TRAPPC8: variants seen among roughly 807,000 people sequenced by gnomAD.
The protein encoded by TRAPPC8 is general sporulation gene 1 homolog.
In TRAPPC8, 54 loss-of-function variants were observed where a neutral mutation model predicts 174.3. That is an observed-to-expected ratio of 0.31 (90% confidence interval 0.25 to 0.39). The LOEUF is 0.39. Among genes scored for constraint, TRAPPC8 ranks in the 10% least tolerant of loss-of-function variants. The probability of loss-of-function intolerance (pLI) is 1.00; values close to 1 mark genes in which losing one functional copy is unlikely to be tolerated. For synonymous variants in TRAPPC8, 630 were observed against 579.9 expected (o/e 1.09, Z -1.24); for missense variants, 1,531 against 1,699.1 (o/e 0.90, Z 1.74).
At chr18:31,912,819 ACTTTTAAT>A (rs1345375591) in intron 5 of TRAPPC8, among the ~76,000 whole-genome samples, 1 of 152,168 alleles carries the variant, frequency 6.6e-6, no homozygotes, top group Non-Finnish European at 1.5e-5. Flanking sequence ...CGTGTAATTC[ACTTTTAAT>A]CTTTTAAGAA....
chr18:31,852,780 G>C (rs111246589), intron 22 of TRAPPC8, 117 bp from the exon 23 acceptor site: 1 of 820,534 alleles, frequency 1.2e-6, no homozygotes, highest in Middle Eastern at 3.5e-4. Context: ...TATAAATAAT[G>C]TTTAATGAAG....
intron 10 of TRAPPC8, among the ~76,000 whole-genome samples, chr18:31,900,508 C>T (rs746479783): frequency 9.2e-5 from 14 of 152,206 alleles, no homozygotes; most frequent in Non-Finnish European, 1.9e-4. Context: ...CCCCTGACCA[C>T]TGGGGACCAG....
At chr18:31,934,380 G>A (rs572650155) in intron 1 of TRAPPC8, among the ~76,000 whole-genome samples, 2 of 152,128 alleles carry the variant, frequency 1.3e-5, no homozygotes, top group East Asian at 3.9e-4. Flanking sequence ...TGGGTAGTGG[G>A]GAGGTGGATG....
At chr18:31,880,090 A>AAAAAAATATATAT (rs1259899654) in intron 12 of TRAPPC8, among the ~76,000 whole-genome samples, 14 of 85,354 alleles carry the variant, frequency 1.6e-4, no homozygotes, top group African/African-American at 6.7e-4. Context: ...TGAAAAAAAA[A>AAAAAAATATATAT]ATATATATAT....
At chr18:31,905,074 CTGTGA>C (rs1429133874) in intron 9 of TRAPPC8, among the ~76,000 whole-genome samples, 4 of 150,946 alleles carry the variant, frequency 2.6e-5, no homozygotes, top group African/African-American at 9.7e-5. Context: ...ACTGGTTTTG[CTGTGA>C]TATTTATTTT....
intron 11 of TRAPPC8, chr18:31,895,793 C>T (rs905423808): frequency 6.6e-6 from 1 of 152,176 alleles, no homozygotes; most frequent in African/African-American, 2.4e-5. Context: ...TACTCAAAAG[C>T]CTTATTCAGC....
At chr18:31,873,761 T>C in intron 13 of TRAPPC8, 1 of 398,996 alleles carries the variant, frequency 2.5e-6, no homozygotes, top group Non-Finnish European at 4.5e-6. Context: ...GTTACTCAGC[T>C]AATTACCTGG....
rs1420348793 is a variant in TRAPPC8 at position 31,885,155 on chromosome 18, C to A, written c.1728+5580G>T. Among the ~76,000 whole-genome samples, 8 of 152,118 alleles carry A rather than the reference C, an allele frequency of 5.3e-5. No individual in the cohort carries two copies. The East Asian group carries it at 1.5e-3, about 29-fold the overall frequency. On this transcript the variant is annotated intron_variant, in intron 12 of 28. Transcript: ENST00000283351. ...TATAGGCGTGAGCCACCGTACCCAG[C>A]CAAAATTAAGTTTTTTTAAAAAAGA...
intron 27 of TRAPPC8, among the ~76,000 whole-genome samples, chr18:31,834,088 GGTTGTTGTTGTT>G (rs35486513): frequency 8.1e-5 from 12 of 148,936 alleles, no homozygotes; most frequent in Non-Finnish European, 1.6e-4. Flanking sequence ...ATCACATTTT[GGTTGTTGTTGTT>G]GTTGTTGTTG....
At chr18:31,831,414 C>A (rs1296869976) in intron 28 of TRAPPC8, among the ~76,000 whole-genome samples, 1 of 152,158 alleles carries the variant, frequency 6.6e-6, no homozygotes, top group East Asian at 1.9e-4. Flanking sequence ...ATGAAGCCAA[C>A]TGTTTATTAA....
chr18:31,897,734 T>A (rs1004066132), intron 11 of TRAPPC8, 52 bp downstream of exon 11: 90 of 1,184,852 alleles, frequency 7.6e-5, no homozygotes, highest in Middle Eastern at 2.1e-4. Context: ...TACATCTTTT[T>A]AAAAAAAAAA....
intron 1 of TRAPPC8, among the ~76,000 whole-genome samples, chr18:31,933,468 T>G (rs895966922): frequency 3.3e-5 from 5 of 152,234 alleles, no homozygotes; most frequent in Admixed American, 3.3e-4. Context: ...TACTATCTAC[T>G]TCACGGGATC....
intron 4 of TRAPPC8, among the ~76,000 whole-genome samples, chr18:31,914,886 T>C (rs2048615224): frequency 6.6e-6 from 1 of 152,068 alleles, no homozygotes; most frequent in Admixed American, 6.6e-5. Flanking sequence ...AAATCATGAA[T>C]ATTAAAGGGA....
intron 25 of TRAPPC8, among the ~76,000 whole-genome samples, chr18:31,847,510 C>T (rs2033471842): frequency 6.6e-6 from 1 of 152,128 alleles, no homozygotes; most frequent in Non-Finnish European, 1.5e-5. Flanking sequence ...GTTCAAAAAA[C>T]ATAAAATTAC....
intron 2 of TRAPPC8, among the ~76,000 whole-genome samples, chr18:31,923,094 T>C (rs1182058769): frequency 1.3e-5 from 2 of 152,218 alleles, no homozygotes; most frequent in Non-Finnish European, 2.9e-5. Flanking sequence ...TCCTTCCTTT[T>C]AAAATAAGAT....
chr18:31,933,126 CCT>C (rs897144825), intron 1 of TRAPPC8, among the ~76,000 whole-genome samples: 1 of 151,650 alleles, frequency 6.6e-6, no homozygotes, highest in East Asian at 1.9e-4. Flanking sequence ...ACGGTGAAAC[CCT>C]GTCTCTACTA....
intron 11 of TRAPPC8, chr18:31,891,121 T>C (rs754760140): frequency 2.5e-5 from 5 of 202,528 alleles, no homozygotes; most frequent in African/African-American, 1.2e-4. Context: ...TTATGATATG[T>C]GCCATGTACC....
At chr18:31,908,026 T>A (rs2036738369) in intron 8 of TRAPPC8, among the ~76,000 whole-genome samples, 1 of 152,210 alleles carries the variant, frequency 6.6e-6, no homozygotes, top group Admixed American at 6.5e-5. Flanking sequence ...ACATTTTAGA[T>A]ATAGAATGGT....
intron 1 of TRAPPC8, among the ~76,000 whole-genome samples, chr18:31,941,138 T>C (rs1483062458): frequency 1.3e-5 from 2 of 152,164 alleles, no homozygotes; most frequent in East Asian, 3.8e-4. Flanking sequence ...AGCTCAAGTG[T>C]TTGTGTTTTT....
Sources: gnomAD v4.1 joint callset for allele counts (sites outside exome capture counted in the v4.1 genomes callset) on GRCh38, gnomAD v4.1.1 for gene constraint, MANE v1.5 for transcripts, NCBI Gene and HGNC (gene_info 2026-07-23, HGNC 2026-07-21) for gene names.